MEI1: variants seen among roughly 807,000 people sequenced by gnomAD.
MEI1 encodes meiosis inhibitor protein 1.
In MEI1, 103 loss-of-function variants were observed where a neutral mutation model predicts 146.2. That is an observed-to-expected ratio of 0.70 (90% CI 0.60 to 0.83). The LOEUF (loss-of-function observed/expected upper bound fraction) is 0.83, where lower values mean the gene tolerates loss of function less well. MEI1 is among the 40% of genes least tolerant of loss of function. The pLI is 0.00. For synonymous variants in MEI1, 652 were observed against 628.2 expected, an observed-to-expected ratio of 1.04 and a Z score of -0.57; for missense variants, 1,529 against 1,533.0, an observed-to-expected ratio of 1.00 and a Z score of 0.04.
intron 6 of MEI1, 104 bp downstream of exon 6, chr22:41,718,378 C>T: frequency 9.1e-7 from 1 of 1,099,160 alleles, no homozygotes; most frequent in East Asian, 2.6e-5. Context: ...TGCTGTTTTG[C>T]AAAAGGTAGA....
chr22:41,743,114 G>A lies in MEI1; in HGVS notation c.1366G>A (p.Gly456Arg). The A allele has an allele frequency of 1.2e-6, 2 of 1,613,198 alleles. No individual in the cohort carries two copies. Among genetic ancestry groups the A allele is most frequent in the Non-Finnish European group, 1.7e-6 (2 of 1,179,714 alleles). The change falls in exon 12 of 31, where the codon GGG becomes AGG. Residue 456 changes from glycine (G) to arginine (R), a missense_variant. By Grantham distance (125) the Gly-to-Arg change is moderately radical. This residue lies in a region of MEI1 where 1,212 missense variants were observed against 1,178.9 expected (regional missense o/e 1.03). Transcript: ENST00000401548. Reference sequence around the variant, plus strand: ...TCAGAGCACTCCACCTGTGCAGTATGGGGAACTGCAGGCTTTGCTAGAAGC... The same window carrying A: ...TCAGAGCACTCCACCTGTGCAGTATAGGGAACTGCAGGCTTTGCTAGAAGC... ...DHQSTPPVQY[G>R]ELQALLEAML...
chr22:41,713,627 C>T (rs2069814672), intron 3 of MEI1, among the ~76,000 whole-genome samples: 1 of 152,210 alleles, frequency 6.6e-6, no homozygotes, highest in Non-Finnish European at 1.5e-5. Flanking sequence ...TGGCTCACTA[C>T]AACCTCCGCC....
In MEI1 at chr22:41,699,676, C is replaced by G. The variant is rs945399369; in HGVS notation, c.138C>G (p.Ala46=). 1.9e-6 allele frequency: 3 copies of G among 1,592,146 alleles called. No homozygotes were observed. The highest frequency in any genetic ancestry group is 2.7e-5 in the African/African-American group (2 of 74,606). ...LLPVTPRLCL[A]CALELLPDPG... ...CCGTGACCCCCCGCCTGTGCCTGGC[C>G]TGCGCGCTGGAGCTGCTGCCGGACC... The change falls in exon 1 of 31, where the codon GCC becomes GCG. Residue 46 remains alanine (A), a synonymous_variant. Transcript: ENST00000401548.
At chr22:41,780,279 G>A (rs117886891) in intron 22 of MEI1, among the ~76,000 whole-genome samples, 4,802 of 152,224 alleles carry the variant, frequency 0.032, 130 homozygotes, top group Non-Finnish European at 0.042. Context: ...ACTGTGGTTC[G>A]GGGTGGAGGT....
intron 30 of MEI1, among the ~76,000 whole-genome samples, 178 bp from the exon 31 acceptor site, chr22:41,799,076 T>C (rs1401773654): frequency 6.6e-6 from 1 of 152,142 alleles, no homozygotes; most frequent in Non-Finnish European, 1.5e-5. Flanking sequence ...TAGTTCCCTG[T>C]TGAATAGCAA....
intron 20 of MEI1, chr22:41,774,199 C>G (rs1022085267): frequency 6.6e-6 from 1 of 152,220 alleles, no homozygotes; most frequent in African/African-American, 2.4e-5. Flanking sequence ...ACAGCAGAGA[C>G]TACAGATTGG....
intron 14 of MEI1, chr22:41,747,171 G>A (rs1324729228): frequency 1.3e-5 from 2 of 151,948 alleles, no homozygotes; most frequent in East Asian, 3.9e-4. Flanking sequence ...TCAGGGAAGG[G>A]AGAAGGTGAC....
intron 3 of MEI1, chr22:41,709,080 C>G (rs533093295): frequency 1.8e-6 from 1 of 548,578 alleles, no homozygotes; most frequent in Non-Finnish European, 3.3e-6. Flanking sequence ...TGCCCCTTCC[C>G]CAAAATATAA....
chr22:41,783,044 G>A (rs1488924328), intron 24 of MEI1, among the ~76,000 whole-genome samples: 2 of 151,886 alleles, frequency 1.3e-5, no homozygotes, highest in Non-Finnish European at 2.9e-5. Context: ...CCTCCTCTAG[G>A]CCTGGCCCTC....
At chr22:41,758,981 A>G (rs570836246) in intron 18 of MEI1, among the ~76,000 whole-genome samples, 36 of 152,076 alleles carry the variant, frequency 2.4e-4, no homozygotes, top group Non-Finnish European at 3.7e-4. Context: ...TGTCTCCACA[A>G]AACATACAAA....
intron 21 of MEI1, 63 bp downstream of exon 21, chr22:41,776,330 A>G: frequency 6.5e-7 from 1 of 1,549,096 alleles, no homozygotes; most frequent in South Asian, 1.1e-5. Context: ...GGGCATCTCT[A>G]CCCTTGTTAG....
intron 26 of MEI1, among the ~76,000 whole-genome samples, chr22:41,785,139 G>A (rs1462083944): frequency 1.3e-5 from 2 of 151,316 alleles, no homozygotes; most frequent in African/African-American, 4.9e-5. Context: ...GTTTCACCAT[G>A]TTGGCCAGGA....
In MEI1 at chr22:41,799,111, C is replaced by T. The variant is rs573789903; in HGVS notation, c.3780-143C>T. 21 of 693,264 alleles carry T rather than the reference C, an allele frequency of 3.0e-5. No homozygotes were observed. The African/African-American group carries it at 3.2e-4, about 11-fold the overall frequency. 42.9% of individuals were successfully genotyped at this position (693,264 alleles called of 1,614,324 possible). On this transcript the variant is annotated intron_variant, in intron 30 of 30. Coordinates refer to ENST00000401548, the MANE Select transcript of MEI1 (RefSeq NM_152513.4). ...ACTACCTAGCCCAGGTGTTCAGGAC[C>T]CAATTTCAGAATCCATCCCACTATT...
chr22:41,795,902 G>A lies in MEI1; in HGVS notation c.3779+55G>A, dbSNP rs1289437090. ...GATGCCAAATCACTGGGTGTTTGGGGCTTCTCTTCCTGGGCCAGTTTATGC... is the reference window on the plus strand; with the variant it reads ...GATGCCAAATCACTGGGTGTTTGGGACTTCTCTTCCTGGGCCAGTTTATGC... On this transcript the variant is annotated intron_variant, in intron 30 of 30. Transcript: ENST00000401548. This position sits in a 1 kb window ranked among gnomAD's most constrained non-coding sequence, Gnocchi z 4.2. 4.3e-6 allele frequency: 7 copies of A among 1,612,552 alleles called. No individual in the cohort carries two copies. Among genetic ancestry groups the A allele is most frequent in the East Asian group, 4.5e-5 (2 of 44,764 alleles).
chr22:41,771,714 A>C (rs2075192940), intron 20 of MEI1, among the ~76,000 whole-genome samples: 1 of 152,082 alleles, frequency 6.6e-6, no homozygotes, highest in Non-Finnish European at 1.5e-5. Flanking sequence ...TGGGCTAATT[A>C]GATTAGATAA....
chr22:41,700,751 T>A (rs2068646267), intron 1 of MEI1, among the ~76,000 whole-genome samples: 1 of 15,840 alleles, frequency 6.3e-5, no homozygotes, highest in Non-Finnish European at 5.3e-4. Context: ...AGTTCTCAAT[T>A]TTTTTTTTTT....
intron 19 of MEI1, among the ~76,000 whole-genome samples, chr22:41,766,409 A>G (rs2074860545): frequency 6.6e-6 from 1 of 150,794 alleles, no homozygotes; most frequent in Admixed American, 6.6e-5. Context: ...TGACCTTCTG[A>G]TCCACCCGCC....
chr22:41,708,500 T>A (rs576174704), intron 3 of MEI1, among the ~76,000 whole-genome samples: 2 of 152,124 alleles, frequency 1.3e-5, no homozygotes, highest in African/African-American at 2.4e-5. Context: ...GGGCAGACAG[T>A]CGTTAACAGT....
At chr22:41,762,549 G>GTTTT (rs554541069) in intron 18 of MEI1, among the ~76,000 whole-genome samples, 2 of 128,788 alleles carry the variant, frequency 1.6e-5, no homozygotes, top group African/African-American at 3.0e-5. Flanking sequence ...TAATTTAACT[G>GTTTT]ATTTTTTTTT....
Sources: allele counts gnomAD v4.1 joint callset (sites outside exome capture counted in the v4.1 genomes callset), GRCh38; gene constraint gnomAD v4.1.1; regional missense constraint gnomAD v4.1.1; non-coding constraint Gnocchi (gnomAD v3.1); transcripts MANE v1.5; gene names NCBI Gene and HGNC (gene_info 2026-07-23, HGNC 2026-07-21).